GRM5: variants seen among roughly 807,000 people sequenced by gnomAD.
GRM5 encodes the protein metabotropic glutamate receptor 5.
Under a neutral mutation model 83.1 loss-of-function variants are expected in GRM5, and 19 were observed. The ratio of observed to expected loss-of-function variants is 0.23; its 90% CI spans 0.16 to 0.34. GRM5 has a LOEUF of 0.34. GRM5 is among the 10% of genes least tolerant of loss of function. The probability of loss-of-function intolerance (pLI) is 1.00; values close to 1 mark genes in which losing one functional copy is unlikely to be tolerated. For missense variants in GRM5, 1,160 were observed against 1,588.3 expected (o/e 0.73, Z 4.58); for synonymous variants, 675 against 633.6 (o/e 1.07, Z -0.98).
chr11:88,647,549 C>T (rs1056133558), intron 4 of GRM5, among the ~76,000 whole-genome samples: 8 of 151,992 alleles, frequency 5.3e-5, no homozygotes, highest in Non-Finnish European at 1.2e-4. Flanking sequence ...CCATAAAAAC[C>T]CTAGAAGAAA....
chr11:88,806,359 G>A (rs779159947), intron 3 of GRM5, among the ~76,000 whole-genome samples: 2 of 152,108 alleles, frequency 1.3e-5, no homozygotes, highest in Non-Finnish European at 2.9e-5. Context: ...AAGATATGGT[G>A]TGTTCTTTTT....
At chr11:88,943,681 T>A (rs1414928860) in intron 2 of GRM5, among the ~76,000 whole-genome samples, 1 of 152,064 alleles carries the variant, frequency 6.6e-6, no homozygotes, top group African/African-American at 2.4e-5. Context: ...AGTTTTAGTA[T>A]AGGAGAAATA....
Position 88,729,226 on chromosome 11 carries a change from C to T in GRM5, c.912-75823G>A, listed in dbSNP as rs188860739. Among the ~76,000 whole-genome samples the T allele has an allele frequency of 2.0e-3, 306 of 152,160 alleles. 2 individuals carry two copies. Among genetic ancestry groups the T allele is most frequent in the African/African-American group, 7.1e-3 (293 of 41,494 alleles). ...GAAAATTCACAAGCATTCCTATACA[C>T]CATGAACAGACAAACAGAGAGCCAA... On this transcript the variant is annotated intron_variant, in intron 3 of 9. Coordinates refer to ENST00000305447, the MANE Select transcript of GRM5 (RefSeq NM_001143831.3).
At chr11:88,816,328 T>C (rs1324673509) in intron 3 of GRM5, among the ~76,000 whole-genome samples, 1 of 147,912 alleles carries the variant, frequency 6.8e-6, no homozygotes, top group Non-Finnish European at 1.5e-5. Context: ...ATCATGAGAT[T>C]AGGAATTTGA....
intron 2 of GRM5, among the ~76,000 whole-genome samples, chr11:88,962,390 A>G (rs1245819183): frequency 6.6e-6 from 1 of 152,214 alleles, no homozygotes; most frequent in Non-Finnish European, 1.5e-5. Context: ...CTCTTCATGC[A>G]TTCAACTAAC....
At chr11:88,702,335 A>T (rs1198949221) in intron 3 of GRM5, among the ~76,000 whole-genome samples, 1 of 152,080 alleles carries the variant, frequency 6.6e-6, no homozygotes, top group Non-Finnish European at 1.5e-5. Context: ...CCAGCTCAAG[A>T]GTTTCAAATG....
chr11:88,706,694 T>C (rs574456322), intron 3 of GRM5, among the ~76,000 whole-genome samples: 2 of 152,206 alleles, frequency 1.3e-5, no homozygotes, highest in South Asian at 4.1e-4. Context: ...CCAGAAATAA[T>C]ACAGAAAATG....
At chr11:88,564,801 T>C (rs1375854279) in intron 8 of GRM5, among the ~76,000 whole-genome samples, 1 of 152,200 alleles carries the variant, frequency 6.6e-6, no homozygotes, top group Non-Finnish European at 1.5e-5. Flanking sequence ...CTGCTTAAAT[T>C]GGAAGACAGG....
intron 2 of GRM5, among the ~76,000 whole-genome samples, chr11:88,907,275 T>C (rs1945419982): frequency 6.6e-6 from 1 of 152,228 alleles, no homozygotes; most frequent in African/African-American, 2.4e-5. Flanking sequence ...CCTGAAAGCC[T>C]TCCAACAGCT....
intron 2 of GRM5, among the ~76,000 whole-genome samples, chr11:88,905,364 G>A (rs1272818005): frequency 1.3e-5 from 2 of 152,064 alleles, no homozygotes; most frequent in African/African-American, 4.8e-5. Flanking sequence ...CTTATTTTGA[G>A]ACGGAGTCTT....
At chr11:88,657,411 T>TA (rs1261873663) in intron 3 of GRM5, among the ~76,000 whole-genome samples, 6 of 152,282 alleles carry the variant, frequency 3.9e-5, no homozygotes, top group African/African-American at 1.2e-4. Context: ...ATTCTTAACT[T>TA]ACTTAGCTTG....
In GRM5 at chr11:88,569,236, C is replaced by A. The variant is rs1942934782; in HGVS notation, c.1691-1244G>T. Among the ~76,000 whole-genome samples, 3 of 152,076 alleles carry A rather than the reference C, an allele frequency of 2.0e-5. 1 individual carries two copies. Among genetic ancestry groups the A allele is most frequent in the Admixed American group, 2.0e-4 (3 of 15,270 alleles). Reference sequence around the variant, plus strand: ...TCTAATGTGCAACCAAAGTTGAGAACCATTGTTCTAGGAGGATCATTCCTG... The same window carrying A: ...TCTAATGTGCAACCAAAGTTGAGAAACATTGTTCTAGGAGGATCATTCCTG... On this transcript the variant is annotated intron_variant, in intron 7 of 9. Transcript: ENST00000305447.
intron 2 of GRM5, among the ~76,000 whole-genome samples, chr11:89,003,028 C>A (rs1459670236): frequency 5.3e-5 from 8 of 152,104 alleles, no homozygotes; most frequent in African/African-American, 1.4e-4. Flanking sequence ...CTGCACTATC[C>A]CAAAAATTTT....
chr11:88,937,897 G>T (rs1396661423), intron 2 of GRM5, among the ~76,000 whole-genome samples: 2 of 151,714 alleles, frequency 1.3e-5, no homozygotes, highest in African/African-American at 2.4e-5. Flanking sequence ...ATTTTCTAAA[G>T]AGGCAAACAG....
At chr11:88,851,233 T>C (rs768673937) in intron 2 of GRM5, among the ~76,000 whole-genome samples, 3 of 152,174 alleles carry the variant, frequency 2.0e-5, no homozygotes, top group Non-Finnish European at 4.4e-5. Flanking sequence ...CTATATTTTA[T>C]ACAGGGCTCA....
chr11:88,866,363 T>C (rs1293685419), intron 2 of GRM5, among the ~76,000 whole-genome samples: 1 of 151,838 alleles, frequency 6.6e-6, no homozygotes, highest in African/African-American at 2.4e-5. Flanking sequence ...TGAGAACACA[T>C]AGACACAGGG....
intron 3 of GRM5, among the ~76,000 whole-genome samples, chr11:88,716,537 T>C (rs1427869219): frequency 6.6e-6 from 1 of 151,938 alleles, no homozygotes; most frequent in Non-Finnish European, 1.5e-5. Flanking sequence ...GTGATTTGTA[T>C]TGACTGCTTA....
intron 8 of GRM5, among the ~76,000 whole-genome samples, chr11:88,559,213 T>C (rs1259502107): frequency 6.6e-6 from 1 of 152,134 alleles, no homozygotes; most frequent in Non-Finnish European, 1.5e-5. Flanking sequence ...TCATTCAGGA[T>C]ATGATGGAAT....
intron 3 of GRM5, among the ~76,000 whole-genome samples, chr11:88,732,384 T>C (rs1385487338): frequency 6.6e-6 from 1 of 151,914 alleles, no homozygotes; most frequent in Non-Finnish European, 1.5e-5. Flanking sequence ...AACAAAAAAT[T>C]GCAATATTTG....
Sources: gnomAD v4.1 joint callset for allele counts (sites outside exome capture counted in the v4.1 genomes callset) on GRCh38, gnomAD v4.1.1 for gene constraint, MANE v1.5 for transcripts, NCBI Gene and HGNC (gene_info 2026-07-23, HGNC 2026-07-21) for gene names.